The following TENM1 variants were observed in gnomAD, a reference collection of about 807,000 sequenced individuals.
The protein encoded by TENM1 is teneurin transmembrane protein 1.
TENM1 carries 35 observed loss-of-function variants against 174.8 expected under a neutral mutation model. The observed-to-expected ratio is 0.20, with a 90% CI of 0.15 to 0.27. TENM1 has a LOEUF of 0.27. Ranked by LOEUF, TENM1 falls within the 10% of genes least tolerant of loss-of-function variation. The probability of loss-of-function intolerance (pLI) is 1.00; values close to 1 mark genes in which losing one functional copy is unlikely to be tolerated. For synonymous variants in TENM1, 781 were observed against 798.7 expected (o/e 0.98, Z 0.37); for missense variants, 1,633 against 2,130.1 (o/e 0.77, Z 4.59).
intron 5 of TENM1, among the ~76,000 whole-genome samples, chrX:124,683,697 T>A (rs1204002603): frequency 8.9e-6 from 1 of 112,347 alleles, no homozygotes; most frequent in African/African-American, 3.2e-5. Context: ...TTTTCTCTTG[T>A]CTACTTCAAT....
At chrX:124,995,508 A>G in the TENM1 span, among the ~76,000 whole-genome samples, 1 of 111,564 alleles carries the variant, frequency 9.0e-6, no homozygotes, top group Non-Finnish European at 1.9e-5. Flanking sequence ...TGCTGCTCCT[A>G]TTTAGGCCAA....
At chrX:124,998,738 T>C in the TENM1 span, among the ~76,000 whole-genome samples, 1 of 111,624 alleles carries the variant, frequency 9.0e-6, no homozygotes, top group Admixed American at 9.5e-5. Context: ...GACTTGGATG[T>C]ATACTTCAAT....
intron 3 of TENM1, among the ~76,000 whole-genome samples, chrX:124,848,538 CAGAT>C (rs370643300): frequency 3.9e-4 from 44 of 111,471 alleles, no homozygotes; most frequent in African/African-American, 1.3e-3. Flanking sequence ...ATTTAAATAT[CAGAT>C]AGCTTCCATT....
At chrX:124,524,531 C>T (rs2047929579) in intron 16 of TENM1, among the ~76,000 whole-genome samples, 1 of 111,719 alleles carries the variant, frequency 9.0e-6, no homozygotes, top group Non-Finnish European at 1.9e-5. Context: ...CTACATTTGA[C>T]TACCCTCTTT....
chrX:124,612,616 C>A (rs374464990), intron 11 of TENM1, among the ~76,000 whole-genome samples: 4 of 111,333 alleles, frequency 3.6e-5, no homozygotes, highest in East Asian at 2.8e-4. Flanking sequence ...TTGTGCTATG[C>A]GTTTAAAATG....
At position 124,396,304 on chromosome X, in the gene TENM1, C is replaced by CTTTTTTTTTTTTTTT. The variant is rs1257692658; in HGVS notation, c.5392-3957_5392-3956insAAAAAAAAAAAAAAA. Among the ~76,000 whole-genome samples the CTTTTTTTTTTTTTTT allele has an allele frequency of 6.5e-3, 460 of 70,321 alleles. 49 individuals carry two copies. Among genetic ancestry groups the CTTTTTTTTTTTTTTT allele is most frequent in the East Asian group, 0.014 (33 of 2,432 alleles). 61.1% of individuals were successfully genotyped at this position (70,321 alleles called of 115,157 possible). On this transcript the variant is annotated intron_variant, in intron 27 of 31. Transcript: ENST00000422452. ...CTTTTCCAGCTGAGCCTCTCCCAAC[C>CTTTTTTTTTTTTTTT]TTTTTTTTTTTTTTCGAGCCGGAGT...
chrX:124,573,200 T>C (rs1161233053), intron 11 of TENM1, among the ~76,000 whole-genome samples: 1 of 111,771 alleles, frequency 8.9e-6, no homozygotes, highest in Admixed American at 9.5e-5. Flanking sequence ...TGCCTGAATA[T>C]GGATAAACTT....
chrX:124,575,526 C>T (rs1478260310), intron 11 of TENM1, among the ~76,000 whole-genome samples: 2 of 111,778 alleles, frequency 1.8e-5, no homozygotes, highest in Admixed American at 1.9e-4. Flanking sequence ...TGGATAAGAA[C>T]AAAAATCCCA....
the TENM1 span, among the ~76,000 whole-genome samples, chrX:125,114,028 A>C: frequency 9.0e-6 from 1 of 111,511 alleles, no homozygotes; most frequent in African/African-American, 3.3e-5. Flanking sequence ...ACTCCTCAGC[A>C]AATGCAAAAG....
the TENM1 span, among the ~76,000 whole-genome samples, chrX:125,031,538 G>T: frequency 8.9e-6 from 1 of 111,951 alleles, no homozygotes; most frequent in East Asian, 2.8e-4. Context: ...GGGTACATGT[G>T]CAGATGTGCA....
At chrX:124,980,105 C>T in the TENM1 span, among the ~76,000 whole-genome samples, 1 of 111,346 alleles carries the variant, frequency 9.0e-6, no homozygotes, top group Admixed American at 9.6e-5. Flanking sequence ...GGCTTGGTGG[C>T]TCACACTTAT....
chrX:124,834,110 G>A (rs765585812), intron 3 of TENM1, among the ~76,000 whole-genome samples: 15 of 111,239 alleles, frequency 1.3e-4, no homozygotes, highest in South Asian at 3.8e-4. Context: ...CAATATATTC[G>A]TATTCCTGGA....
rs200147754 is a variant in TENM1 at position 124,905,298 on chromosome X, CATAA to C, written c.218-9061_218-9058del. On this transcript the variant is annotated intron_variant, in intron 1 of 31. Transcript: ENST00000422452. ...CCTAGGTGACAGTGTGAGACCTCAT[CATAA>C]ATAAATAAATAAATGAATGAATGAA... is the stretch of plus-strand genomic sequence containing the variant. Among the ~76,000 whole-genome samples, 517 of 110,968 alleles carry C rather than the reference CATAA, an allele frequency of 4.7e-3. 3 individuals are homozygous for C. Among genetic ancestry groups the C allele is most frequent in the African/African-American group, 0.016 (486 of 30,535 alleles).
intron 4 of TENM1, among the ~76,000 whole-genome samples, chrX:124,714,145 G>C (rs2148509488): frequency 9.0e-6 from 1 of 111,610 alleles, no homozygotes; most frequent in Non-Finnish European, 1.9e-5. Flanking sequence ...TAAGGTAGAT[G>C]ATATTATCTG....
intron 22 of TENM1, among the ~76,000 whole-genome samples, chrX:124,461,309 A>C (rs2061170105): frequency 8.9e-6 from 1 of 112,133 alleles, no homozygotes. Flanking sequence ...GTAAATTAGG[A>C]TAGCCACTAC....
chrX:124,562,061 C>G (rs2048829652), intron 13 of TENM1, among the ~76,000 whole-genome samples: 1 of 111,990 alleles, frequency 8.9e-6, no homozygotes, highest in African/African-American at 3.2e-5. Flanking sequence ...ATTCCCAACC[C>G]CTGGTTCATA....
chrX:124,807,049 T>C (rs1211490390), intron 3 of TENM1, among the ~76,000 whole-genome samples: 1 of 111,759 alleles, frequency 8.9e-6, no homozygotes, highest in African/African-American at 3.3e-5. Context: ...GAGGAGCTGG[T>C]GTATCACATG....
At chrX:124,953,262 G>T (rs2058517819) in intron 1 of TENM1, among the ~76,000 whole-genome samples, 1 of 111,974 alleles carries the variant, frequency 8.9e-6, no homozygotes, top group Non-Finnish European at 1.9e-5. Context: ...TGTAATAAAA[G>T]AGAAGCAGCA....
chrX:124,522,412 G>A (rs769511735), intron 17 of TENM1, among the ~76,000 whole-genome samples: 1 of 111,537 alleles, frequency 9.0e-6, no homozygotes, highest in Non-Finnish European at 1.9e-5. Flanking sequence ...ATAATGTGGT[G>A]AGGGAATTGT....
Sources: gnomAD v4.1 joint callset for allele counts (sites outside exome capture counted in the v4.1 genomes callset) on GRCh38, gnomAD v4.1.1 for gene constraint, MANE v1.5 for transcripts, NCBI Gene and HGNC (gene_info 2026-07-23, HGNC 2026-07-21) for gene names.